Variants in ZEB2 observed in about 807,000 individuals in gnomAD.
ZEB2 encodes the protein zinc finger E-box binding homeobox 2.
ZEB2 carries 6 observed loss-of-function variants against 99.9 expected under a neutral mutation model. That is an observed-to-expected ratio of 0.06 (90% CI 0.03 to 0.12). The LOEUF (loss-of-function observed/expected upper bound fraction) is 0.12, where lower values mean the gene tolerates loss of function less well. Among genes scored for constraint, ZEB2 ranks in the 10% least tolerant of loss-of-function variants. The pLI is 1.00. For synonymous variants in ZEB2, 517 were observed against 542.5 expected (o/e 0.95, Z 0.65); for missense variants, 969 against 1,502.8 (o/e 0.64, Z 5.87).
At chr2:144,405,309 GT>G in intron 4 of ZEB2, 1 of 359,682 alleles carries the variant, frequency 2.8e-6, no homozygotes, top group Non-Finnish European at 5.1e-6. Context: ...AATTTAAAAT[GT>G]TTTTCATAAA....
intron 1 of ZEB2, 91 bp from the exon 2 acceptor site, chr2:144,517,510 C>A: frequency 1.2e-6 from 1 of 830,482 alleles, no homozygotes; most frequent in Non-Finnish European, 2.0e-6. Flanking sequence ...AGGGCCCCGG[C>A]GAGCACCCAT....
intron 6 of ZEB2, among the ~76,000 whole-genome samples, chr2:144,401,847 C>T (rs902250466): frequency 6.6e-6 from 1 of 151,902 alleles, no homozygotes; most frequent in Non-Finnish European, 1.5e-5. Context: ...AACACACAAA[C>T]AAAAAAACCT....
chr2:144,440,516 T>TATATATATACATA (rs1491431111), intron 2 of ZEB2, among the ~76,000 whole-genome samples: 2 of 10,038 alleles, frequency 2.0e-4, no homozygotes, highest in African/African-American at 4.0e-4. Flanking sequence ...TATATATATA[T>TATATATATACATA]TTTTTTTTTT....
chr2:144,391,383 AG>A (rs1386569809), intron 9 of ZEB2, among the ~76,000 whole-genome samples: 3 of 152,246 alleles, frequency 2.0e-5, no homozygotes, highest in African/African-American at 4.8e-5. Flanking sequence ...AGTGGAAATC[AG>A]AAAGATATTT....
At chr2:144,411,639 T>C (rs1360156609) in intron 4 of ZEB2, among the ~76,000 whole-genome samples, 2 of 152,214 alleles carry the variant, frequency 1.3e-5, no homozygotes, top group Non-Finnish European at 1.5e-5. Flanking sequence ...TAAAGCCAGG[T>C]CGTCAAGAGC....
intron 6 of ZEB2, among the ~76,000 whole-genome samples, chr2:144,401,524 A>C (rs367559594): frequency 6.6e-6 from 1 of 152,216 alleles, no homozygotes; most frequent in East Asian, 1.9e-4. Context: ...CGCATCCAAC[A>C]CTTGCTTTAG....
intron 2 of ZEB2, chr2:144,513,850 T>C: frequency 1.3e-6 from 2 of 1,533,712 alleles, no homozygotes; most frequent in Non-Finnish European, 8.7e-7. Context: ...GGGGCTGGGT[T>C]TTCCCCCTCC....
chr2:144,497,697 T>C (rs1200231315), intron 2 of ZEB2: 1 of 165,956 alleles, frequency 6.0e-6, no homozygotes, highest in Admixed American at 6.8e-5. Flanking sequence ...AAAAAAGGAC[T>C]TAAAAAATAC....
At chr2:144,463,266 C>T (rs1043591514) in intron 2 of ZEB2, 5 of 152,008 alleles carry the variant, frequency 3.3e-5, no homozygotes, top group African/African-American at 7.3e-5. Context: ...ACTCAGTCAA[C>T]CGAAGTTCTT....
chr2:144,487,311 C>G (rs995653813), intron 2 of ZEB2, among the ~76,000 whole-genome samples: 6 of 152,040 alleles, frequency 3.9e-5, no homozygotes, highest in Non-Finnish European at 5.9e-5. Flanking sequence ...CAAAGGCACA[C>G]AACAGGTAGG....
At chr2:144,418,215 T>G (rs1051470417) in intron 4 of ZEB2, among the ~76,000 whole-genome samples, 3 of 152,212 alleles carry the variant, frequency 2.0e-5, no homozygotes, top group African/African-American at 7.2e-5. Context: ...CTACAACTTG[T>G]CTGTGTAGTT....
intron 2 of ZEB2, among the ~76,000 whole-genome samples, chr2:144,487,218 G>A (rs1371338964): frequency 6.6e-6 from 1 of 151,896 alleles, no homozygotes; most frequent in African/African-American, 2.4e-5. Context: ...TTAAGTTTTG[G>A]ACATGCAGGA....
chr2:144,405,610 TA>T (rs34653274), intron 4 of ZEB2, among the ~76,000 whole-genome samples: 6,636 of 142,792 alleles, frequency 0.046, 166 homozygotes, highest in Non-Finnish European at 0.058. Context: ...GCAACTTTGT[TA>T]AAAAAAAAAA....
chr2:144,438,656 C>T (rs1349711957), intron 2 of ZEB2, among the ~76,000 whole-genome samples: 1 of 152,156 alleles, frequency 6.6e-6, no homozygotes, highest in African/African-American at 2.4e-5. Flanking sequence ...ATTCTTCATA[C>T]TGCCCTGACC....
At chr2:144,466,519 A>AT (rs1479637834) in intron 2 of ZEB2, among the ~76,000 whole-genome samples, 1 of 152,184 alleles carries the variant, frequency 6.6e-6, no homozygotes, top group African/African-American at 2.4e-5. Context: ...ATCTTTCTAC[A>AT]TAAAAAAATG....
At chr2:144,515,853 C>T (rs920767718) in intron 2 of ZEB2, 3 of 152,310 alleles carry the variant, frequency 2.0e-5, no homozygotes, top group Non-Finnish European at 4.4e-5. Context: ...AAAATTCTCT[C>T]GTCTTTGTGT....
chr2:144,503,870 C>T (rs898290395), intron 2 of ZEB2: 3 of 151,928 alleles, frequency 2.0e-5, no homozygotes, highest in Non-Finnish European at 4.4e-5. Flanking sequence ...AGAGAACTTG[C>T]AAACCCATGT....
intron 2 of ZEB2, among the ~76,000 whole-genome samples, chr2:144,466,694 CAAT>C (rs1704276920): frequency 1.3e-5 from 2 of 152,158 alleles, no homozygotes; most frequent in African/African-American, 4.8e-5. Context: ...TATACCGTAA[CAAT>C]AAAACCTCAA....
intron 2 of ZEB2, chr2:144,444,834 A>G (rs2149897391): frequency 6.6e-6 from 1 of 152,362 alleles, no homozygotes; most frequent in Admixed American, 6.5e-5. Flanking sequence ...TTTAATTGTT[A>G]GATGAAGGTT....
Sources: gnomAD v4.1 joint callset for allele counts (sites outside exome capture counted in the v4.1 genomes callset) on GRCh38, gnomAD v4.1.1 for gene constraint, MANE v1.5 for transcripts, NCBI Gene and HGNC (gene_info 2026-07-23, HGNC 2026-07-21) for gene names.